The following SCAPER variants were observed in gnomAD, a reference collection of about 807,000 sequenced individuals.
The protein encoded by SCAPER is S-phase cyclin A associated protein in the ER.
A neutral mutation model predicts 182.2 loss-of-function variants in SCAPER; 98 were observed. The observed-to-expected ratio is 0.54, with a 90% CI of 0.46 to 0.64. The LOEUF is 0.64. Among genes scored for constraint, SCAPER ranks in the 30% least tolerant of loss-of-function variants. SCAPER has a pLI of 0.00. For synonymous variants in SCAPER, 605 were observed against 564.6 expected (o/e 1.07, Z -1.01); for missense variants, 1,432 against 1,690.0 (o/e 0.85, Z 2.68).
intron 17 of SCAPER, among the ~76,000 whole-genome samples, chr15:76,713,638 G>A (rs1271091912): frequency 6.6e-6 from 1 of 151,992 alleles, no homozygotes; most frequent in Non-Finnish European, 1.5e-5. Flanking sequence ...GTGGGGTGGG[G>A]GGAGAGGGGA....
At chr15:76,554,542 C>A (rs1445351482) in intron 23 of SCAPER, among the ~76,000 whole-genome samples, 1 of 152,042 alleles carries the variant, frequency 6.6e-6, no homozygotes, top group Non-Finnish European at 1.5e-5. Flanking sequence ...ATCAGATTCT[C>A]CAAGTATAGT....
chr15:76,721,284 T>G (rs1017003895), intron 17 of SCAPER, among the ~76,000 whole-genome samples: 1 of 152,208 alleles, frequency 6.6e-6, no homozygotes, highest in African/African-American at 2.4e-5. Context: ...CATTGGTCTA[T>G]AACTCTGTTT....
At chr15:76,556,933 T>C (rs2046239175) in intron 23 of SCAPER, among the ~76,000 whole-genome samples, 1 of 152,172 alleles carries the variant, frequency 6.6e-6, no homozygotes, top group South Asian at 2.1e-4. Flanking sequence ...AAAATCAATG[T>C]ATAAAAATCA....
chr15:76,425,310 C>A (rs2046345558), intron 26 of SCAPER, among the ~76,000 whole-genome samples: 1 of 152,270 alleles, frequency 6.6e-6, no homozygotes, highest in South Asian at 2.1e-4. Context: ...AGGCTTTGTT[C>A]ATTTCTTTTT....
intron 5 of SCAPER, among the ~76,000 whole-genome samples, chr15:76,810,749 T>G (rs1432013518): frequency 2.0e-5 from 3 of 151,808 alleles, no homozygotes; most frequent in Non-Finnish European, 4.4e-5. Context: ...TAAATAATGG[T>G]CAAAAATAAT....
chr15:76,422,364 T>C (rs2046108462), intron 26 of SCAPER, among the ~76,000 whole-genome samples: 1 of 152,224 alleles, frequency 6.6e-6, no homozygotes, highest in African/African-American at 2.4e-5. Flanking sequence ...CCTAGGTATT[T>C]TACTCTCTTT....
intron 29 of SCAPER, among the ~76,000 whole-genome samples, chr15:76,366,550 C>T (rs2041832576): frequency 6.6e-6 from 1 of 152,174 alleles, no homozygotes; most frequent in Admixed American, 6.5e-5. Context: ...TCTCTCTGCT[C>T]TAAGTATAGT....
chr15:76,763,256 GT>G (rs1286752944), intron 14 of SCAPER, among the ~76,000 whole-genome samples: 1 of 130,172 alleles, frequency 7.7e-6, no homozygotes, highest in East Asian at 2.4e-4. Flanking sequence ...GCAGGGTTTT[GT>G]TTTTTTCTTT....
At chr15:76,532,320 C>A (rs1316646835) in intron 23 of SCAPER, among the ~76,000 whole-genome samples, 1 of 151,666 alleles carries the variant, frequency 6.6e-6, no homozygotes, top group East Asian at 1.9e-4. Context: ...ATTACCCCTC[C>A]CCTCCCCTCC....
rs917971229 is a variant in SCAPER, at chr15:76,687,647, G to A, written c.2508+14111C>T. ...GATGTTCCCCTTCTTGTGTCCAGGTGTTCTCGTTGTTCAGCTCCCACTTAT... is the reference window on the plus strand; with the variant it reads ...GATGTTCCCCTTCTTGTGTCCAGGTATTCTCGTTGTTCAGCTCCCACTTAT... On this transcript the variant is annotated intron_variant, in intron 20 of 31. Transcript: ENST00000563290. 1.2e-4 allele frequency among the ~76,000 whole-genome samples: 19 copies of A among 152,210 alleles called. 1 individual carries two copies. The highest frequency in any genetic ancestry group is 4.1e-4 in the African/African-American group (17 of 41,528).
intron 25 of SCAPER, among the ~76,000 whole-genome samples, chr15:76,449,794 T>C (rs926396455): frequency 2.0e-5 from 3 of 152,212 alleles, no homozygotes; most frequent in African/African-American, 7.2e-5. Context: ...TTAATGAAAC[T>C]TTCTCCAACT....
At chr15:76,616,640 C>T (rs1368728747) in intron 22 of SCAPER, among the ~76,000 whole-genome samples, 1 of 151,918 alleles carries the variant, frequency 6.6e-6, no homozygotes, top group Non-Finnish European at 1.5e-5. Flanking sequence ...TATTTCATCA[C>T]CATTTTAAAA....
At chr15:76,762,217 T>C (rs1246739428) in intron 14 of SCAPER, among the ~76,000 whole-genome samples, 1 of 152,134 alleles carries the variant, frequency 6.6e-6, no homozygotes, top group East Asian at 1.9e-4. Context: ...TCTATGCCCT[T>C]TGATTGGGGA....
intron 21 of SCAPER, among the ~76,000 whole-genome samples, chr15:76,637,492 T>C (rs975129008): frequency 2.6e-5 from 4 of 151,338 alleles, no homozygotes; most frequent in African/African-American, 7.3e-5. Flanking sequence ...GGATCAGGAG[T>C]TTGAGACCAG....
intron 23 of SCAPER, among the ~76,000 whole-genome samples, chr15:76,569,098 C>A (rs968435851): frequency 7.2e-5 from 11 of 152,002 alleles, no homozygotes; most frequent in Middle Eastern, 6.8e-3. Flanking sequence ...TTTAAGCAGA[C>A]GTCTTGACAG....
intron 8 of SCAPER, among the ~76,000 whole-genome samples, chr15:76,781,451 T>G (rs1240584977): frequency 6.6e-6 from 1 of 152,180 alleles, no homozygotes; most frequent in Non-Finnish European, 1.5e-5. Context: ...TGGAACCAAG[T>G]TGGAAAACAC....
intron 17 of SCAPER, among the ~76,000 whole-genome samples, chr15:76,718,820 C>G (rs776979625): frequency 6.6e-6 from 1 of 152,056 alleles, no homozygotes; most frequent in African/African-American, 2.4e-5. Context: ...CACCATTAAT[C>G]ATCAGAGAAA....
intron 4 of SCAPER, among the ~76,000 whole-genome samples, chr15:76,848,334 T>TG (rs1393533142): frequency 2.6e-4 from 37 of 141,468 alleles, no homozygotes; most frequent in East Asian, 1.3e-3. Flanking sequence ...TTTTTTTTTT[T>TG]TTTTTTTTTT....
intron 22 of SCAPER, among the ~76,000 whole-genome samples, chr15:76,619,057 C>G (rs1332034474): frequency 1.3e-5 from 2 of 152,178 alleles, no homozygotes; most frequent in African/African-American, 4.8e-5. Context: ...GATGGTCAGG[C>G]TGGTCTTGAA....
Sources: allele counts gnomAD v4.1 joint callset (sites outside exome capture counted in the v4.1 genomes callset), GRCh38; gene constraint gnomAD v4.1.1; transcripts MANE v1.5; gene names NCBI Gene and HGNC (gene_info 2026-07-23, HGNC 2026-07-21).